Variants in DPYD observed in about 807,000 individuals in gnomAD.
The protein encoded by DPYD is dihydropyrimidine dehydrogenase [NADP(+)].
Under a neutral mutation model 116.2 loss-of-function variants are expected in DPYD, and 109 were observed. That is an observed-to-expected ratio of 0.94 (90% CI 0.80 to 1.10). The LOEUF is 1.10. Ranked by LOEUF, DPYD falls within the 50% of genes least tolerant of loss-of-function variation. The pLI is 0.00. For synonymous variants in DPYD, 440 were observed against 432.0 expected, an observed-to-expected ratio of 1.02 and a Z score of -0.23; for missense variants, 1,302 against 1,254.5, an observed-to-expected ratio of 1.04 and a Z score of -0.57.
At chr1:97,843,843 T>C (rs1251349072) in intron 2 of DPYD, among the ~76,000 whole-genome samples, 2 of 152,188 alleles carry the variant, frequency 1.3e-5, no homozygotes, top group Admixed American at 1.3e-4. Flanking sequence ...TACATTTTAA[T>C]GAATAGGGGA....
At chr1:97,242,074 T>C (rs1374423549) in intron 18 of DPYD, among the ~76,000 whole-genome samples, 1 of 145,522 alleles carries the variant, frequency 6.9e-6, no homozygotes, top group East Asian at 2.0e-4. Flanking sequence ...TCTGTGTGAA[T>C]AAATCTTTAT....
chr1:97,850,904 A>T (rs1670537737), intron 2 of DPYD, among the ~76,000 whole-genome samples: 1 of 152,042 alleles, frequency 6.6e-6, no homozygotes, highest in South Asian at 2.1e-4. Flanking sequence ...AGAATATGAT[A>T]TATTATCTCC....
chr1:97,447,831 T>A (rs1676173619), intron 14 of DPYD, among the ~76,000 whole-genome samples: 1 of 151,960 alleles, frequency 6.6e-6, no homozygotes, highest in Non-Finnish European at 1.5e-5. Flanking sequence ...TTGGTAGGAG[T>A]TATTTTCCAG....
At chr1:97,313,899 G>A (rs1207357307) in intron 16 of DPYD, among the ~76,000 whole-genome samples, 1 of 151,878 alleles carries the variant, frequency 6.6e-6, no homozygotes, top group African/African-American at 2.4e-5. Context: ...TCCTAGCAAA[G>A]AGCCTGGTAC....
intron 13 of DPYD, among the ~76,000 whole-genome samples, chr1:97,485,625 AT>A (rs11305940): frequency 0.18 from 27,681 of 151,962 alleles, 2,694 homozygotes; most frequent in East Asian, 0.26. Flanking sequence ...AATTCATTGA[AT>A]TTTTTTATTA....
chr1:97,807,271 T>C (rs1668120038), intron 3 of DPYD, among the ~76,000 whole-genome samples: 1 of 152,040 alleles, frequency 6.6e-6, no homozygotes, highest in Non-Finnish European at 1.5e-5. Context: ...AATTTTGCAT[T>C]CCCAGCAAAA....
intron 3 of DPYD, among the ~76,000 whole-genome samples, chr1:97,745,741 T>C (rs529475051): frequency 3.9e-5 from 6 of 151,992 alleles, no homozygotes; most frequent in African/African-American, 1.4e-4. Flanking sequence ...GCTCCAGTCA[T>C]CTCCCGTAAG....
At chr1:97,641,483 A>T (rs1047671691) in intron 8 of DPYD, among the ~76,000 whole-genome samples, 1 of 152,170 alleles carries the variant, frequency 6.6e-6, no homozygotes, top group Non-Finnish European at 1.5e-5. Context: ...CATAAACAGA[A>T]CCAATGACAA....
intron 16 of DPYD, among the ~76,000 whole-genome samples, chr1:97,310,975 C>T (rs1021869123): frequency 6.6e-6 from 1 of 151,460 alleles, no homozygotes; most frequent in Non-Finnish European, 1.5e-5. Flanking sequence ...CAAAATGATG[C>T]TAAGTTACAG....
At chr1:97,195,658 A>G (rs866859114) in intron 19 of DPYD, among the ~76,000 whole-genome samples, 3,351 of 29,392 alleles carry the variant, frequency 0.11, 360 homozygotes, top group Admixed American at 0.25. Flanking sequence ...ATATATATAT[A>G]TATATATATA....
chr1:97,222,016 C>T (rs1457244059), intron 19 of DPYD, among the ~76,000 whole-genome samples: 1 of 151,976 alleles, frequency 6.6e-6, no homozygotes, highest in Non-Finnish European at 1.5e-5. Context: ...TTTCAAGTGA[C>T]ACTGATAAAC....
At chr1:97,729,567 G>A (rs1439987198) in intron 4 of DPYD, among the ~76,000 whole-genome samples, 3 of 151,762 alleles carry the variant, frequency 2.0e-5, no homozygotes, top group Non-Finnish European at 4.4e-5. Flanking sequence ...TCCATGTTAG[G>A]AAGTAGAATA....
At chr1:97,494,997 G>A (rs1180561897) in intron 13 of DPYD, among the ~76,000 whole-genome samples, 1 of 152,122 alleles carries the variant, frequency 6.6e-6, no homozygotes, top group African/African-American at 2.4e-5. Flanking sequence ...CTTGAGTAAT[G>A]AGCGGCCTGC....
chr1:97,442,463 T>C (rs1214962052), intron 14 of DPYD, among the ~76,000 whole-genome samples: 1 of 151,448 alleles, frequency 6.6e-6, no homozygotes, highest in Non-Finnish European at 1.5e-5. Flanking sequence ...CTGTGAGCCA[T>C]ATTACATATT....
chr1:97,193,296 C>A (rs1658515278), intron 19 of DPYD, 48 bp from the exon 20 acceptor site: 2 of 1,570,384 alleles, frequency 1.3e-6, no homozygotes, highest in Non-Finnish European at 1.7e-6. Context: ...AGAGATAATT[C>A]TCCAAACAAA....
intron 18 of DPYD, among the ~76,000 whole-genome samples, chr1:97,250,830 C>T (rs1383449283): frequency 7.2e-5 from 11 of 152,166 alleles, no homozygotes; most frequent in African/African-American, 2.4e-4. Context: ...GAAATATCCT[C>T]TGTCTTGTTT....
intron 16 of DPYD, among the ~76,000 whole-genome samples, chr1:97,309,789 G>T (rs1031866025): frequency 5.9e-5 from 9 of 151,690 alleles, no homozygotes; most frequent in African/African-American, 2.2e-4. Context: ...ATGCAAAACT[G>T]GTTGTTTTTA....
chr1:97,560,480 G>A (rs1570961073), intron 11 of DPYD, among the ~76,000 whole-genome samples: 1 of 150,960 alleles, frequency 6.6e-6, no homozygotes. Flanking sequence ...GTGTACACAA[G>A]CTATTCTTCC....
At chr1:97,730,828 A>G (rs1663557110) in intron 4 of DPYD, among the ~76,000 whole-genome samples, 1 of 152,052 alleles carries the variant, frequency 6.6e-6, no homozygotes, top group African/African-American at 2.4e-5. Flanking sequence ...TTCTACATCG[A>G]AACACTAATA....
Sources: gnomAD v4.1 joint callset for allele counts (sites outside exome capture counted in the v4.1 genomes callset) on GRCh38, gnomAD v4.1.1 for gene constraint, MANE v1.5 for transcripts, NCBI Gene and HGNC (gene_info 2026-07-23, HGNC 2026-07-21) for gene names.